The following CSNK1G1 variants were observed in gnomAD, a reference collection of about 807,000 sequenced individuals.
The protein encoded by CSNK1G1 is casein kinase 1 gamma 1, also known as casein kinase I isoform gamma-1.
CSNK1G1 carries 22 observed loss-of-function variants against 59.6 expected under a neutral mutation model. The observed-to-expected ratio is 0.37, with a 90% confidence interval of 0.26 to 0.53. The LOEUF is 0.53. Ranked by LOEUF, CSNK1G1 falls within the 20% of genes least tolerant of loss-of-function variation. The pLI is 0.89. For synonymous variants in CSNK1G1, 179 were observed against 177.1 expected (o/e 1.01, Z -0.08); for missense variants, 384 against 519.5 (o/e 0.74, Z 2.54).
chr15:64,310,678 C>A (rs1294768597), intron 1 of CSNK1G1, among the ~76,000 whole-genome samples: 2 of 152,010 alleles, frequency 1.3e-5, no homozygotes, highest in African/African-American at 2.4e-5. Flanking sequence ...GATTGTGCTA[C>A]TACCTGGGTG....
intron 4 of CSNK1G1, among the ~76,000 whole-genome samples, chr15:64,239,610 C>T (rs533117795): frequency 6.6e-6 from 1 of 152,076 alleles, no homozygotes; most frequent in Non-Finnish European, 1.5e-5. Flanking sequence ...AACTCCTGAG[C>T]TCCATCGATC....
At chr15:64,345,754 C>T (rs1897921071) in intron 1 of CSNK1G1, among the ~76,000 whole-genome samples, 1 of 152,070 alleles carries the variant, frequency 6.6e-6, no homozygotes, top group Non-Finnish European at 1.5e-5. Context: ...GTTTTAGTTT[C>T]TTTAAGAACA....
At chr15:64,191,768 T>G (rs1322403289) in intron 10 of CSNK1G1, among the ~76,000 whole-genome samples, 2 of 152,210 alleles carry the variant, frequency 1.3e-5, no homozygotes, top group Non-Finnish European at 2.9e-5. Context: ...TATACCATAC[T>G]ACTGCCCGCC....
At position 64,165,973 on chromosome 15, in the gene CSNK1G1, C is replaced by A. The variant is rs2081598154; in HGVS notation, c.*5958G>T. On this transcript the variant is annotated 3_prime_UTR_variant, in exon 12 of 12. Coordinates refer to ENST00000303052, the MANE Select transcript of CSNK1G1 (RefSeq NM_022048.5). Reference sequence around the variant, plus strand: ...TGCACAAATATCTCTCCTGGAGGAACCATTTCAAATACACTTGAAATTGAC... The same window carrying A: ...TGCACAAATATCTCTCCTGGAGGAAACATTTCAAATACACTTGAAATTGAC... The A allele has an allele frequency of 4.6e-6, 3 of 656,618 alleles. No homozygotes were observed. The highest frequency in any genetic ancestry group is 1.8e-5 in the African/African-American group (1 of 54,354). 40.7% of individuals were successfully genotyped at this position (656,618 alleles called of 1,614,324 possible).
Position 64,188,438 on chromosome 15 carries a change from C to T in CSNK1G1, c.1108-7984G>A. The T allele has an allele frequency of 6.5e-7, 1 of 1,536,142 alleles. No individual in the cohort carries two copies. The highest frequency in any genetic ancestry group is 8.7e-7 in the Non-Finnish European group (1 of 1,146,918). ...ACGTTAGGTATGAGGTATTGGTCTG[C>T]CGGCTGGGCTGAATTTCCCACTCTC... is the stretch of plus-strand genomic sequence containing the variant. On this transcript the variant is annotated intron_variant, in intron 10 of 11. Coordinates refer to ENST00000303052, the MANE Select transcript of CSNK1G1 (RefSeq NM_022048.5). The surrounding 1 kb of genome is among the most constrained non-coding windows in gnomAD (Gnocchi z 4.2).
chr15:64,302,613 C>G (rs977983441), intron 1 of CSNK1G1, among the ~76,000 whole-genome samples: 2 of 152,028 alleles, frequency 1.3e-5, no homozygotes, highest in African/African-American at 4.8e-5. Context: ...TCCACTATCC[C>G]GGTTATCCTT....
chr15:64,281,706 G>A (rs1302916426), intron 2 of CSNK1G1, among the ~76,000 whole-genome samples: 2 of 151,924 alleles, frequency 1.3e-5, no homozygotes, highest in Non-Finnish European at 2.9e-5. Flanking sequence ...TGGGCGTGGT[G>A]GCGAGCGCCT....
intron 3 of CSNK1G1, among the ~76,000 whole-genome samples, chr15:64,256,918 C>G (rs1892407632): frequency 6.6e-6 from 1 of 151,908 alleles, no homozygotes; most frequent in Admixed American, 6.6e-5. Flanking sequence ...AAAACATATG[C>G]CTGCCTAAAA....
intron 1 of CSNK1G1, among the ~76,000 whole-genome samples, chr15:64,314,931 T>C (rs1896192451): frequency 6.6e-6 from 1 of 152,196 alleles, no homozygotes; most frequent in Non-Finnish European, 1.5e-5. Context: ...AATGCTGCAA[T>C]GAACATAAGA....
At chr15:64,274,628 T>G (rs953558191) in intron 2 of CSNK1G1, among the ~76,000 whole-genome samples, 4 of 152,188 alleles carry the variant, frequency 2.6e-5, no homozygotes, top group Admixed American at 6.6e-5. Flanking sequence ...TTTTTGGAGC[T>G]TTATATTTAA....
At chr15:64,265,996 A>G (rs1892963089) in intron 2 of CSNK1G1, 1 of 323,384 alleles carries the variant, frequency 3.1e-6, no homozygotes, top group Admixed American at 3.8e-5. Context: ...AGATGGGAAG[A>G]ATGTTTGAGT....
At chr15:64,172,116 A>T (rs1405884708) in intron 11 of CSNK1G1, 131 bp from the exon 12 acceptor site, 1 of 777,128 alleles carries the variant, frequency 1.3e-6, no homozygotes, top group Admixed American at 1.9e-5. Context: ...CCCACCATCT[A>T]CAGTGCACGC....
chr15:64,350,572 T>C (rs1898232620), intron 1 of CSNK1G1, among the ~76,000 whole-genome samples: 1 of 152,156 alleles, frequency 6.6e-6, no homozygotes, highest in Non-Finnish European at 1.5e-5. Flanking sequence ...ATTCATATAG[T>C]TTGAAATAAC....
Position 64,193,316 on chromosome 15 carries a change from C to T in CSNK1G1, c.1107+9766G>A, listed in dbSNP as rs139963695. Among the ~76,000 whole-genome samples, 1,171 of 151,720 alleles carry T rather than the reference C, an allele frequency of 7.7e-3. 13 individuals carry two copies. The highest frequency in any genetic ancestry group is 0.027 in the African/African-American group (1,129 of 41,362). On this transcript the variant is annotated intron_variant, in intron 10 of 11. Transcript: ENST00000303052. ...ACCATCCTGGCCAACACGGTGAAAC[C>T]CCGTCTCTACTAAAAATACAAAAAA...
chr15:64,291,305 G>T (rs1272986340), intron 2 of CSNK1G1, among the ~76,000 whole-genome samples: 1 of 152,102 alleles, frequency 6.6e-6, no homozygotes, highest in Non-Finnish European at 1.5e-5. Context: ...TTACATTTTG[G>T]TCTGGGTGCA....
At chr15:64,303,156 TGA>T (rs1895456676) in intron 1 of CSNK1G1, among the ~76,000 whole-genome samples, 3 of 150,228 alleles carry the variant, frequency 2.0e-5, no homozygotes, top group South Asian at 2.1e-4. Flanking sequence ...CTCAAGCCCA[TGA>T]GTTCAAGGCT....
chr15:64,342,736 CT>C (rs1217740821), intron 1 of CSNK1G1: 1 of 152,168 alleles, frequency 6.6e-6, no homozygotes, highest in Non-Finnish European at 1.5e-5. Context: ...AATTAAAAAT[CT>C]TCTATGGATC....
In CSNK1G1 at chr15:64,248,667, T is replaced by C. The variant is rs576591713; in HGVS notation, c.292+2845A>G. On this transcript the variant is annotated intron_variant, in intron 4 of 11. Coordinates refer to ENST00000303052, the MANE Select transcript of CSNK1G1 (RefSeq NM_022048.5). Reference sequence around the variant, plus strand: ...TTTAAAAATATCCCAATGTTCTTCCTCATCTGGACTCTGGAAAAAATAAAA... The same window carrying C: ...TTTAAAAATATCCCAATGTTCTTCCCCATCTGGACTCTGGAAAAAATAAAA... 3.7e-4 allele frequency among the ~76,000 whole-genome samples: 57 copies of C among 152,258 alleles called. 1 individual carries two copies. The highest frequency in any genetic ancestry group is 1.2e-3 in the African/African-American group (50 of 41,532).
intron 11 of CSNK1G1, among the ~76,000 whole-genome samples, chr15:64,173,614 C>CTTTTCT (rs2081702743): frequency 7.5e-6 from 1 of 133,724 alleles, no homozygotes; most frequent in Admixed American, 7.4e-5. Flanking sequence ...TCTTTCTTTT[C>CTTTTCT]TTTTCTTTTT....
Sources: allele counts gnomAD v4.1 joint callset (sites outside exome capture counted in the v4.1 genomes callset), GRCh38; gene constraint gnomAD v4.1.1; non-coding constraint Gnocchi (gnomAD v3.1); transcripts MANE v1.5; gene names NCBI Gene and HGNC (gene_info 2026-07-23, HGNC 2026-07-21).